ETFA: variants seen among roughly 807,000 people sequenced by gnomAD.
ETFA encodes electron transfer flavoprotein subunit alpha.
A neutral mutation model predicts 46.2 loss-of-function variants in ETFA; 22 were observed. The observed-to-expected ratio is 0.48, with a 90% CI of 0.34 to 0.68. ETFA has a LOEUF of 0.68. ETFA is among the 30% of genes least tolerant of loss of function. The pLI, the probability that ETFA is intolerant of heterozygous loss-of-function variation, is 0.01. For missense variants in ETFA, 345 were observed against 401.1 expected (o/e 0.86, Z 1.19); for synonymous variants, 131 against 139.9 (o/e 0.94, Z 0.45).
chr15:76,222,127 C>A (rs2038961065), intron 11 of ETFA, among the ~76,000 whole-genome samples: 1 of 150,766 alleles, frequency 6.6e-6, no homozygotes, highest in Admixed American at 6.6e-5. Context: ...TAATTCTCAC[C>A]CATAATTTGT....
At chr15:76,226,695 G>C (rs1029915074) in intron 10 of ETFA, among the ~76,000 whole-genome samples, 1 of 152,098 alleles carries the variant, frequency 6.6e-6, no homozygotes, top group South Asian at 2.1e-4. Context: ...TGGCTAACAC[G>C]GTGAAACCCC....
chr15:76,259,079 T>C, intron 9 of ETFA: 1 of 1,576,748 alleles, frequency 6.3e-7, no homozygotes, highest in East Asian at 2.2e-5. Flanking sequence ...CTGCCTGCCC[T>C]GGCTGCTCAG....
chr15:76,295,936 C>CTTTTTTTTTGTTTTTTTTTTTTTT (rs2039816772), intron 1 of ETFA, among the ~76,000 whole-genome samples, 199 bp from the exon 2 acceptor site: 1 of 46,602 alleles, frequency 2.1e-5, no homozygotes, highest in Non-Finnish European at 4.2e-5. Context: ...CACTAATATT[C>CTTTTTTTTTGTTTTTTTTTTTTTT]TTTTTTTTTT....
chr15:76,293,712 C>A (rs985679535), intron 2 of ETFA, among the ~76,000 whole-genome samples: 1 of 152,234 alleles, frequency 6.6e-6, no homozygotes, highest in Middle Eastern at 3.2e-3. Flanking sequence ...GATTAAAAGG[C>A]TGTGCCTTGT....
rs143544854 is a variant in ETFA at position 76,252,829 on chromosome 15, G to T, written c.817-21431C>A. 4.0e-3 allele frequency among the ~76,000 whole-genome samples: 597 copies of T among 151,022 alleles called. 3 individuals carry two copies. The highest frequency in any genetic ancestry group is 0.014 in the African/African-American group (565 of 41,190). On this transcript the variant is annotated intron_variant, in intron 9 of 11. Transcript: ENST00000557943. ...ACATACTGAGGTCTTTAGGGGTAAAGGGCTATAAATGTTACTATCAACTAG... is the reference window on the plus strand; with the variant it reads ...ACATACTGAGGTCTTTAGGGGTAAATGGCTATAAATGTTACTATCAACTAG...
At position 76,260,268 on chromosome 15, in the gene ETFA, G is replaced by A; in HGVS notation, c.816+14144C>T. The A allele has an allele frequency of 3.4e-6, 4 of 1,174,686 alleles. No individual in the cohort carries two copies. In the Admixed American group the frequency reaches 5.0e-5, roughly 15 times the overall value. 72.8% of individuals were successfully genotyped at this position (1,174,686 alleles called of 1,614,324 possible). Reference sequence around the variant, plus strand: ...GGGCCTTTCTTGATTGAAGGACCGGGCTGCCCAGAAGTGAATGGCTGGCTC... The same window carrying A: ...GGGCCTTTCTTGATTGAAGGACCGGACTGCCCAGAAGTGAATGGCTGGCTC... On this transcript the variant is annotated intron_variant, in intron 9 of 11. Coordinates refer to ENST00000557943, the MANE Select transcript of ETFA (RefSeq NM_000126.4).
chr15:76,274,280 A>G (rs2039571347), intron 9 of ETFA, 132 bp downstream of exon 9: 3 of 743,352 alleles, frequency 4.0e-6, no homozygotes, highest in Non-Finnish European at 7.2e-6. Flanking sequence ...TGAAAATGAC[A>G]TATTCACCAT....
chr15:76,297,565 G>A (rs1307783905), intron 1 of ETFA, among the ~76,000 whole-genome samples: 1 of 151,890 alleles, frequency 6.6e-6, no homozygotes, highest in Admixed American at 6.6e-5. Context: ...CCAAGATTTG[G>A]TGGCAGAAGG....
chr15:76,260,952 C>T (rs1469246472), intron 9 of ETFA: 15 of 1,611,006 alleles, frequency 9.3e-6, no homozygotes, highest in African/African-American at 4.0e-5. Context: ...CAGCAGGGCT[C>T]GGCCATCAGC....
intron 11 of ETFA, among the ~76,000 whole-genome samples, chr15:76,225,316 T>A (rs1158186652): frequency 6.6e-6 from 1 of 152,138 alleles, no homozygotes; most frequent in Non-Finnish European, 1.5e-5. Context: ...AGACAGAGTC[T>A]CTCACTCTGT....
intron 9 of ETFA, among the ~76,000 whole-genome samples, chr15:76,253,781 A>C (rs1399459228): frequency 6.6e-6 from 1 of 152,230 alleles, no homozygotes; most frequent in Non-Finnish European, 1.5e-5. Context: ...CAAAAACCTA[A>C]TGCATTATTA....
At chr15:76,267,217 C>A (rs906966926) in intron 9 of ETFA, among the ~76,000 whole-genome samples, 1 of 152,212 alleles carries the variant, frequency 6.6e-6, no homozygotes, top group South Asian at 2.1e-4. Context: ...TATAGTTCAA[C>A]AGGATGATCT....
chr15:76,223,080 C>A (rs1769909865), intron 11 of ETFA, among the ~76,000 whole-genome samples: 1 of 152,116 alleles, frequency 6.6e-6, no homozygotes, highest in African/African-American at 2.4e-5. Flanking sequence ...AGTGATCCGC[C>A]TTTCCTCGGC....
chr15:76,281,826 A>C (rs2039655355), intron 8 of ETFA, among the ~76,000 whole-genome samples: 1 of 152,030 alleles, frequency 6.6e-6, no homozygotes, highest in Non-Finnish European at 1.5e-5. Context: ...AGATATATAT[A>C]AAGCTAAGGA....
intron 9 of ETFA, chr15:76,261,327 G>A: frequency 6.9e-7 from 1 of 1,450,410 alleles, no homozygotes; most frequent in Non-Finnish European, 9.6e-7. Flanking sequence ...CTGGCTGGGA[G>A]ATCTGGGTTT....
At chr15:76,221,454 T>A (rs745355891) in intron 11 of ETFA, among the ~76,000 whole-genome samples, 4 of 152,228 alleles carry the variant, frequency 2.6e-5, no homozygotes, top group Admixed American at 6.5e-5. Flanking sequence ...AATTGTACAT[T>A]TTTAAATGGT....
intron 10 of ETFA, 151 bp downstream of exon 10, chr15:76,231,182 T>C (rs2039062973): frequency 1.5e-6 from 1 of 666,184 alleles, no homozygotes. Context: ...TTTAAGGCAG[T>C]GAACGGTAGC....
intron 9 of ETFA, among the ~76,000 whole-genome samples, chr15:76,253,150 G>C (rs1281290154): frequency 6.6e-6 from 1 of 152,024 alleles, no homozygotes; most frequent in East Asian, 1.9e-4. Flanking sequence ...AGGAGAAGAA[G>C]TCTTTGTTAC....
intron 8 of ETFA, among the ~76,000 whole-genome samples, chr15:76,279,646 C>T (rs1287076055): frequency 2.0e-5 from 3 of 152,100 alleles, no homozygotes; most frequent in African/African-American, 7.2e-5. Flanking sequence ...TGCTCAGTGG[C>T]CAACGATGTC....
Sources: allele counts gnomAD v4.1 joint callset (sites outside exome capture counted in the v4.1 genomes callset), GRCh38; gene constraint gnomAD v4.1.1; transcripts MANE v1.5; gene names NCBI Gene and HGNC (gene_info 2026-07-23, HGNC 2026-07-21).